SPIDR: variants seen among roughly 807,000 people sequenced by gnomAD.
SPIDR encodes the protein scaffold protein involved in DNA repair.
Under a neutral mutation model 104.6 loss-of-function variants are expected in SPIDR, and 93 were observed. The ratio of observed to expected loss-of-function variants is 0.89; its 90% CI spans 0.75 to 1.06. SPIDR has a LOEUF of 1.06. Ranked by LOEUF, SPIDR falls within the 50% of genes least tolerant of loss-of-function variation. The pLI is 0.00. For missense variants in SPIDR, 1,154 were observed against 1,111.2 expected (o/e 1.04, Z -0.55); for synonymous variants, 431 against 416.9 (o/e 1.03, Z -0.41).
intron 10 of SPIDR, among the ~76,000 whole-genome samples, chr8:47,665,140 A>C (rs189256902): frequency 1.3e-5 from 2 of 152,322 alleles, no homozygotes; most frequent in African/African-American, 4.8e-5. Flanking sequence ...AGACACCTCA[A>C]AGTCAAAATG....
chr8:47,637,307 C>T (rs905108284), intron 10 of SPIDR, among the ~76,000 whole-genome samples: 36 of 152,046 alleles, frequency 2.4e-4, no homozygotes, highest in African/African-American at 8.0e-4. Context: ...CGGTGGCTTA[C>T]GCCTGCAATC....
At chr8:47,658,661 T>C (rs1260364183) in intron 10 of SPIDR, among the ~76,000 whole-genome samples, 1 of 150,758 alleles carries the variant, frequency 6.6e-6, no homozygotes, top group Non-Finnish European at 1.5e-5. Context: ...TCGGCCAGAC[T>C]TGGTGGCTCA....
intron 8 of SPIDR, chr8:47,592,459 C>G (rs1207373392): frequency 7.0e-7 from 1 of 1,438,772 alleles, no homozygotes; most frequent in Non-Finnish European, 9.8e-7. Context: ...AAAAGTCCCT[C>G]CCTCAAAGGG....
intron 10 of SPIDR, among the ~76,000 whole-genome samples, chr8:47,640,861 T>A: frequency 8.9e-6 from 1 of 112,916 alleles, no homozygotes; most frequent in Non-Finnish European, 1.9e-5. Flanking sequence ...TTTTTTTTTT[T>A]TTTTTTTTTT....
intron 19 of SPIDR, among the ~76,000 whole-genome samples, chr8:47,734,846 C>CAT (rs2085916115): frequency 6.6e-6 from 1 of 152,136 alleles, no homozygotes; most frequent in Non-Finnish European, 1.5e-5. Flanking sequence ...GATTTTAGCC[C>CAT]AGTATAACTC....
intron 1 of SPIDR, among the ~76,000 whole-genome samples, chr8:47,277,652 T>G (rs891707049): frequency 1.8e-4 from 27 of 148,928 alleles, no homozygotes; most frequent in African/African-American, 6.7e-4. Context: ...CATTGTGCCC[T>G]ACCCTGTGTT....
intron 10 of SPIDR, among the ~76,000 whole-genome samples, chr8:47,615,731 T>C (rs189273609): frequency 6.6e-6 from 1 of 152,222 alleles, no homozygotes; most frequent in East Asian, 1.9e-4. Flanking sequence ...CTGGTGAGCC[T>C]TATCAAAAAC....
At chr8:47,663,028 A>G (rs1454934465) in intron 10 of SPIDR, among the ~76,000 whole-genome samples, 1 of 152,226 alleles carries the variant, frequency 6.6e-6, no homozygotes, top group Non-Finnish European at 1.5e-5. Flanking sequence ...GAGCAGCTCA[A>G]ATGGACTAAG....
chr8:47,689,253 G>C lies in SPIDR; in HGVS notation c.1686-11150G>C, dbSNP rs567141859. ...GGAAGCATCAAGTGTTTTTGAAATG[G>C]CTTCTGGACCCATAGCTCTCCCGGG... On this transcript the variant is annotated intron_variant, in intron 11 of 19. Transcript: ENST00000297423. 3.3e-5 allele frequency among the ~76,000 whole-genome samples: 5 copies of C among 152,298 alleles called. No homozygotes were observed. In the East Asian group the frequency reaches 9.7e-4, roughly 29 times the overall value.
chr8:47,389,688 CAAAAAAAAAA>C (rs11295388), intron 5 of SPIDR, among the ~76,000 whole-genome samples: 18 of 62,026 alleles, frequency 2.9e-4, no homozygotes, highest in East Asian at 1.9e-3. Flanking sequence ...GACTCCATCT[CAAAAAAAAAA>C]AAAAAAAAAA....
At chr8:47,498,510 C>T (rs529857346) in intron 8 of SPIDR, among the ~76,000 whole-genome samples, 40 of 152,236 alleles carry the variant, frequency 2.6e-4, no homozygotes, top group African/African-American at 9.1e-4. Flanking sequence ...ACAATGAATG[C>T]TTTCAGTGTT....
At chr8:47,654,422 A>G (rs928854771) in intron 10 of SPIDR, among the ~76,000 whole-genome samples, 1 of 152,210 alleles carries the variant, frequency 6.6e-6, no homozygotes, top group Non-Finnish European at 1.5e-5. Context: ...TTTGAGACTC[A>G]GTGACTGGGA....
chr8:47,348,003 GTTAT>G (rs1319776539), intron 5 of SPIDR, among the ~76,000 whole-genome samples: 5 of 152,040 alleles, frequency 3.3e-5, no homozygotes, highest in African/African-American at 1.2e-4. Context: ...ATGTTAGCTG[GTTAT>G]TTTGCTCGTT....
intron 10 of SPIDR, among the ~76,000 whole-genome samples, chr8:47,658,176 T>C (rs2073279477): frequency 6.6e-6 from 1 of 152,094 alleles, no homozygotes; most frequent in African/African-American, 2.4e-5. Context: ...CCCAGCACTT[T>C]GGGAGGCCGA....
At chr8:47,632,794 G>T (rs549801111) in intron 10 of SPIDR, among the ~76,000 whole-genome samples, 1 of 152,076 alleles carries the variant, frequency 6.6e-6, no homozygotes, top group African/African-American at 2.4e-5. Flanking sequence ...CAAAATCTCC[G>T]AGCAGTAGCT....
chr8:47,388,954 C>T (rs1460565923), intron 5 of SPIDR, among the ~76,000 whole-genome samples: 2 of 152,172 alleles, frequency 1.3e-5, no homozygotes, highest in East Asian at 3.8e-4. Flanking sequence ...TGACTGGCTT[C>T]ATAAAAACTA....
At chr8:47,314,567 G>A (rs1375823045) in intron 5 of SPIDR, among the ~76,000 whole-genome samples, 2 of 152,088 alleles carry the variant, frequency 1.3e-5, no homozygotes, top group Non-Finnish European at 2.9e-5. Context: ...AAAGTTGGGG[G>A]AAAGCCCCTT....
chr8:47,299,157 A>G (rs1291896795), intron 5 of SPIDR, among the ~76,000 whole-genome samples: 4 of 152,164 alleles, frequency 2.6e-5, no homozygotes, highest in Non-Finnish European at 5.9e-5. Flanking sequence ...TTCTCCTTGA[A>G]GAGGTCCTTC....
At position 47,407,946 on chromosome 8, in the gene SPIDR, CA is replaced by C; in HGVS notation, c.866del (p.Lys289ArgfsTer11). On this transcript the variant is annotated frameshift_variant, in exon 7 of 20. Coordinates refer to ENST00000297423, the MANE Select transcript of SPIDR (RefSeq NM_001080394.4). LOFTEE classifies it high-confidence loss of function. ...GTGGAGACATCAATGTATTTCTTACCAAAAGACACTTTCAGGTAAGGCTTGT... is the reference window on the plus strand; with the variant it reads ...GTGGAGACATCAATGTATTTCTTACCAAAGACACTTTCAGGTAAGGCTTGT... ...SLWRHQCISY[Q>X]KTLSGRKSGV... 4 of 1,579,860 alleles carry C rather than the reference CA, an allele frequency of 2.5e-6. No individual in the cohort carries two copies. The highest frequency in any genetic ancestry group is 3.5e-6 in the Non-Finnish European group (4 of 1,158,492).
Sources: allele counts gnomAD v4.1 joint callset (sites outside exome capture counted in the v4.1 genomes callset), GRCh38; gene constraint gnomAD v4.1.1; transcripts MANE v1.5; gene names NCBI Gene and HGNC (gene_info 2026-07-23, HGNC 2026-07-21).